The following HPS3 variants were observed in gnomAD, a reference collection of about 807,000 sequenced individuals.
The protein encoded by HPS3 is HPS3 biogenesis of lysosomal organelles complex 2 subunit 1.
HPS3 carries 79 observed loss-of-function variants against 110.9 expected under a neutral mutation model. The observed-to-expected ratio is 0.71, with a 90% CI of 0.59 to 0.86. HPS3 has a LOEUF of 0.86. Ranked by LOEUF, HPS3 falls within the 40% of genes least tolerant of loss-of-function variation. The pLI is 0.00. For synonymous variants in HPS3, 428 were observed against 451.0 expected (o/e 0.95, Z 0.65); for missense variants, 1,197 against 1,206.2 (o/e 0.99, Z 0.11).
chr3:149,143,957 A>G (rs1051326559), intron 4 of HPS3, among the ~76,000 whole-genome samples: 16 of 152,210 alleles, frequency 1.1e-4, no homozygotes, highest in African/African-American at 3.9e-4. Context: ...CAGCTTCAAC[A>G]GTGTTGCTCC....
chr3:149,158,854 T>C lies in HPS3; in HGVS notation c.1872+8T>C. On this transcript the variant is annotated splice_region_variant and intron_variant, in intron 10 of 16. Transcript: ENST00000296051. ...GATGAAGAATTAAATGAAGTGATTA[T>C]AGTTTTCTGTTTTCTATCTAATATT... The C allele has an allele frequency of 6.5e-7, 1 of 1,536,730 alleles. No individual in the cohort carries two copies. The highest frequency in any genetic ancestry group is 9.0e-7 in the Non-Finnish European group (1 of 1,110,024).
intron 14 of HPS3, among the ~76,000 whole-genome samples, chr3:149,165,181 A>T (rs1165044336): frequency 6.6e-6 from 1 of 152,198 alleles, no homozygotes; most frequent in African/African-American, 2.4e-5. Flanking sequence ...TTGCTTGAGC[A>T]TGTGCTGTAG....
intron 1 of HPS3, 198 bp downstream of exon 1, chr3:149,130,138 T>C: frequency 1.7e-6 from 1 of 598,274 alleles, no homozygotes. Context: ...CAAGCATAGG[T>C]ATGAGCTTGC....
At chr3:149,137,869 G>C (rs1722207770) in intron 1 of HPS3, among the ~76,000 whole-genome samples, 1 of 152,182 alleles carries the variant, frequency 6.6e-6, no homozygotes, top group South Asian at 2.1e-4. Flanking sequence ...AGATGAAAAA[G>C]TTAGTTATAG....
intron 1 of HPS3, among the ~76,000 whole-genome samples, chr3:149,139,508 AT>A (rs1206743467): frequency 6.6e-6 from 1 of 152,204 alleles, no homozygotes; most frequent in Non-Finnish European, 1.5e-5. Flanking sequence ...ACAATCAACA[AT>A]TTAGAGAAAA....
intron 1 of HPS3, among the ~76,000 whole-genome samples, chr3:149,134,539 A>C (rs1399633922): frequency 6.6e-6 from 1 of 152,224 alleles, no homozygotes; most frequent in East Asian, 1.9e-4. Flanking sequence ...TTGGATGGCC[A>C]CTACCTATGC....
rs371201524 is a variant in HPS3, at chr3:149,157,838, T to C, written c.1691+307T>C. 5.1e-4 allele frequency among the ~76,000 whole-genome samples: 77 copies of C among 152,280 alleles called. No individual in the cohort carries two copies. The South Asian group carries it at 0.015, about 30-fold the overall frequency. Reference sequence around the variant, plus strand: ...TGACATTTTTCTCAAGCTTTGAAAATCCCTGACATTAAAAACATATATTTT... The same window carrying C: ...TGACATTTTTCTCAAGCTTTGAAAACCCCTGACATTAAAAACATATATTTT... On this transcript the variant is annotated intron_variant, in intron 9 of 16. Transcript: ENST00000296051.
chr3:149,163,774 C>A, intron 13 of HPS3, 68 bp from the exon 14 acceptor site: 1 of 851,084 alleles, frequency 1.2e-6, no homozygotes, highest in African/African-American at 1.7e-5. Flanking sequence ...TTGCTTTGCT[C>A]TTTGTGGAAT....
intron 5 of HPS3, among the ~76,000 whole-genome samples, chr3:149,147,583 T>C (rs1389728052): frequency 1.3e-5 from 2 of 152,220 alleles, no homozygotes; most frequent in Non-Finnish European, 2.9e-5. Context: ...TTGCATATAC[T>C]TGAAGTACAC....
Position 149,155,134 on chromosome 3 carries a change from C to A in HPS3, c.1428C>A (p.Ile476=). 2 of 1,607,736 alleles carry A rather than the reference C, an allele frequency of 1.2e-6. No homozygotes were observed. The highest frequency in any genetic ancestry group is 1.1e-5 in the South Asian group (1 of 90,914). Residue 476 remains isoleucine (I), a synonymous_variant, in exon 8 of 17, where the codon ATC becomes ATA. Transcript: ENST00000296051. The part of the protein sequence containing the change: ...LLSRKDTSVK[I]KIPPVAEAGW... ...CGAGAAAAGATACCAGTGTTAAAAT[C>A]AAAATACCTCCTGTAGCTGAGGCTG...
intron 16 of HPS3, 25 bp from the exon 17 acceptor site, chr3:149,172,070 A>C (rs1461866436): frequency 3.7e-6 from 6 of 1,609,426 alleles, no homozygotes; most frequent in Non-Finnish European, 5.1e-6. Context: ...TTTCAATTCT[A>C]ATTCAGATAT....
chr3:149,160,278 A>T lies in HPS3; in HGVS notation c.2105A>T (p.Glu702Val). The change falls in exon 11 of 17, where the codon GAG becomes GTG. Residue 702 changes from glutamate (E) to valine (V), a missense_variant and splice_region_variant. Glu to Val is a moderately radical substitution (Grantham distance 121). Transcript: ENST00000296051. ...AGAAATGAAATGAAAAGCCATTCAGAGGTATGGAGCTCTGCCCGGTGCTAA... is the reference window on the plus strand; with the variant it reads ...AGAAATGAAATGAAAAGCCATTCAGTGGTATGGAGCTCTGCCCGGTGCTAA... ...MHRNEMKSHS[E>V]MKLVCGFILE... 6.2e-7 allele frequency: 1 copy of T among 1,604,186 alleles called. No homozygotes were observed. The highest frequency in any genetic ancestry group is 8.5e-7 in the Non-Finnish European group (1 of 1,171,148).
At chr3:149,137,234 C>T (rs1722166218) in intron 1 of HPS3, among the ~76,000 whole-genome samples, 1 of 152,130 alleles carries the variant, frequency 6.6e-6, no homozygotes, top group African/African-American at 2.4e-5. Flanking sequence ...TGCTCAAAAT[C>T]ACTGATAATT....
rs781079008 is a variant in HPS3, at chr3:149,145,523, A to T, written c.1140A>T (p.Pro380=). Residue 380 remains proline, a synonymous_variant, in exon 5 of 17, where the codon CCA becomes CCT. Transcript: ENST00000296051. ...AGTCTCAGCAGGCAGTACTCACGCC[A>T]CAATTTTTGCACGTCATTACAAGGT... ...PEKSQQAVLT[P]QFLHVITSNN... 4.3e-6 allele frequency: 7 copies of T among 1,613,974 alleles called. No homozygotes were observed. In the South Asian group the frequency reaches 5.5e-5, roughly 13 times the overall value.
chr3:149,149,989 G>C, intron 5 of HPS3, among the ~76,000 whole-genome samples: 1 of 152,142 alleles, frequency 6.6e-6, no homozygotes, highest in Non-Finnish European at 1.5e-5. Context: ...CTACTCTCCA[G>C]AGAGGCGGTG....
intron 11 of HPS3, 132 bp from the exon 12 acceptor site, chr3:149,162,016 A>C: frequency 1.3e-6 from 1 of 764,940 alleles, no homozygotes; most frequent in South Asian, 1.7e-5. Context: ...TTTATAGTCA[A>C]AGAAAAAATT....
Position 149,158,680 on chromosome 3 carries a change from A to G in HPS3, c.1706A>G (p.His569Arg), listed in dbSNP as rs1162698396. Residue 569 changes from histidine (H) to arginine (R), a missense_variant, in exon 10 of 17, where the codon CAT (histidine) becomes CGT (arginine). Transcript: ENST00000296051. Reference protein sequence around the residue: ...GDCYSRLDSQHSHLTLPYYKM... With the variant: ...GDCYSRLDSQRSHLTLPYYKM... The stretch of plus-strand genomic sequence containing the variant: ...CTTCCCTTTAGGCTTGACTCCCAGC[A>G]TTCTCATCTCACCTTGCCATACTAT... The G allele has an allele frequency of 6.2e-7, 1 of 1,613,564 alleles. No homozygotes were observed. The highest frequency in any genetic ancestry group is 1.3e-5 in the African/African-American group (1 of 74,864).
intron 16 of HPS3, among the ~76,000 whole-genome samples, chr3:149,169,454 A>G (rs1164167344): frequency 6.6e-6 from 1 of 152,238 alleles, no homozygotes; most frequent in Non-Finnish European, 1.5e-5. Context: ...GAGGTTGGAG[A>G]TGAAGCTCAG....
rs113015797 is a variant in HPS3 at position 149,172,318 on chromosome 3, T to TCACACACA, written c.*127_*134dup. 0.015 allele frequency: 8,831 copies of TCACACACA among 571,360 alleles called. 300 individuals are homozygous for TCACACACA. The highest frequency in any genetic ancestry group is 0.11 in the African/African-American group (5,570 of 49,384). 35.4% of individuals were successfully genotyped at this position (571,360 alleles called of 1,614,324 possible). A position where few individuals can be genotyped will look rare whatever the true frequency, so the allele number is the denominator to read the frequency against. Reference sequence around the variant, plus strand: ...GTAGAGGAGTTTTTTATTTTATATATCACACACACACACACACACACACAC... The same window carrying TCACACACA: ...GTAGAGGAGTTTTTTATTTTATATATCACACACACACACACACACACACACACACACAC... On this transcript the variant is annotated 3_prime_UTR_variant, in exon 17 of 17. Transcript: ENST00000296051.
Sources: gnomAD v4.1 joint callset for allele counts (sites outside exome capture counted in the v4.1 genomes callset) on GRCh38, gnomAD v4.1.1 for gene constraint, MANE v1.5 for transcripts, NCBI Gene and HGNC (gene_info 2026-07-23, HGNC 2026-07-21) for gene names.